MITF: variants seen among roughly 807,000 people sequenced by gnomAD.
MITF encodes microphthalmia-associated transcription factor.
In MITF, 17 loss-of-function variants were observed where a neutral mutation model predicts 60.5. That is an observed-to-expected ratio of 0.28 (90% CI 0.19 to 0.42). The LOEUF (loss-of-function observed/expected upper bound fraction) is 0.42, where lower values mean the gene tolerates loss of function less well. MITF is among the 10% of genes least tolerant of loss of function. The pLI is 1.00. For synonymous variants in MITF, 260 were observed against 248.5 expected (o/e 1.05, Z -0.43); for missense variants, 622 against 683.5 (o/e 0.91, Z 1.00).
At chr3:69,856,315 T>G (rs1156475737) in intron 1 of MITF, among the ~76,000 whole-genome samples, 1 of 152,168 alleles carries the variant, frequency 6.6e-6, no homozygotes, top group Non-Finnish European at 1.5e-5. Flanking sequence ...AATGTTATCA[T>G]ACATGGAAGC....
At chr3:69,785,872 C>T (rs1023500199) in intron 1 of MITF, among the ~76,000 whole-genome samples, 1 of 152,074 alleles carries the variant, frequency 6.6e-6, no homozygotes, top group South Asian at 2.1e-4. Context: ...GACAGGTAGA[C>T]ACATCCAGGG....
chr3:69,789,746 C>G (rs1281995710), intron 1 of MITF, among the ~76,000 whole-genome samples: 2 of 152,102 alleles, frequency 1.3e-5, no homozygotes, highest in Non-Finnish European at 2.9e-5. Context: ...GTCCCACATA[C>G]TTGGGAGGCT....
At position 69,860,783 on chromosome 3, in the gene MITF, G is replaced by C. The variant is rs571972221; in HGVS notation, c.105-18351G>C. 7.9e-5 allele frequency among the ~76,000 whole-genome samples: 12 copies of C among 152,208 alleles called. 1 individual carries two copies. The South Asian group carries it at 2.1e-3, about 26-fold the overall frequency. ...ATAATGTTGGGCTGCATCCCAATCA[G>C]GTTTATGTGGGGTCATCTTAGTCTC... On this transcript the variant is annotated intron_variant, in intron 1 of 9. Coordinates refer to ENST00000352241, the MANE Select transcript of MITF (RefSeq NM_001354604.2).
At chr3:69,917,905 G>A (rs1442040311) in intron 2 of MITF, among the ~76,000 whole-genome samples, 1 of 151,888 alleles carries the variant, frequency 6.6e-6, no homozygotes, top group African/African-American at 2.4e-5. Context: ...TAGCATGGTT[G>A]GGGACCACAT....
Position 69,927,502 on chromosome 3 carries a change from G to A in MITF, c.355-10320G>A, listed in dbSNP as rs148757978. 9.7e-4 allele frequency among the ~76,000 whole-genome samples: 147 copies of A among 151,912 alleles called. 2 individuals carry two copies. The Middle Eastern group carries it at 0.014, about 14-fold the overall frequency. ...GTATACCTATGTAACAAACCTGCAC[G>A]TTCTGCACATGTATCCCAGAACTTA... On this transcript the variant is annotated intron_variant, in intron 2 of 9. Transcript: ENST00000352241.
At chr3:69,941,423 G>C in intron 5 of MITF, 92 bp downstream of exon 5, 2 of 759,272 alleles carry the variant, frequency 2.6e-6, no homozygotes, top group Non-Finnish European at 4.5e-6. Context: ...TTTGTAACTG[G>C]TTCACTGATT....
intron 1 of MITF, among the ~76,000 whole-genome samples, chr3:69,836,364 G>T (rs987338900): frequency 1.1e-4 from 16 of 152,188 alleles, no homozygotes; most frequent in Admixed American, 8.5e-4. Flanking sequence ...CCTAGTATAA[G>T]TATATGCCAA....
intron 2 of MITF, among the ~76,000 whole-genome samples, chr3:69,925,685 ACTGAC>A (rs2065570086): frequency 6.6e-6 from 1 of 152,108 alleles, no homozygotes; most frequent in African/African-American, 2.4e-5. Flanking sequence ...CAGGGCTCTC[ACTGAC>A]CTTGTCAGTA....
At chr3:69,765,980 A>G (rs1403501312) in intron 1 of MITF, among the ~76,000 whole-genome samples, 1 of 152,220 alleles carries the variant, frequency 6.6e-6, no homozygotes, top group East Asian at 1.9e-4. Flanking sequence ...TAAAGAGCGG[A>G]AAGGAAAAAT....
intron 2 of MITF, among the ~76,000 whole-genome samples, chr3:69,906,248 G>T (rs1460391766): frequency 6.6e-6 from 1 of 151,938 alleles, no homozygotes; most frequent in Non-Finnish European, 1.5e-5. Context: ...TTGTATGTTT[G>T]TCAGAAATCA....
chr3:69,850,567 A>T (rs1429076384), intron 1 of MITF, among the ~76,000 whole-genome samples: 1 of 152,238 alleles, frequency 6.6e-6, no homozygotes, highest in Non-Finnish European at 1.5e-5. Context: ...TGACTATTGC[A>T]GAGAAACAAA....
chr3:69,937,706 TTAA>T (rs1323352442), intron 2 of MITF, 113 bp from the exon 3 acceptor site: 5 of 862,890 alleles, frequency 5.8e-6, no homozygotes, highest in East Asian at 2.6e-5. Context: ...TAACAAAGGC[TTAA>T]TAATTTATTC....
intron 2 of MITF, among the ~76,000 whole-genome samples, chr3:69,897,217 G>A (rs1325953361): frequency 6.6e-6 from 1 of 152,182 alleles, no homozygotes; most frequent in Admixed American, 6.5e-5. Flanking sequence ...ATGGGAGCTG[G>A]TGGAGATGGT....
At chr3:69,745,980 C>G (rs1301161874) in intron 1 of MITF, among the ~76,000 whole-genome samples, 60 of 152,228 alleles carry the variant, frequency 3.9e-4, no homozygotes. Context: ...CAGTTTTTAC[C>G]CTTCTCTTAA....
intron 2 of MITF, among the ~76,000 whole-genome samples, chr3:69,881,469 T>C (rs900420715): frequency 6.6e-6 from 1 of 152,096 alleles, no homozygotes; most frequent in East Asian, 1.9e-4. Flanking sequence ...TACACGATTT[T>C]ATTAAGACAA....
chr3:69,883,069 T>C lies in MITF; in HGVS notation c.354+3686T>C, dbSNP rs530281492. 3.3e-5 allele frequency among the ~76,000 whole-genome samples: 5 copies of C among 152,302 alleles called. No individual in the cohort carries two copies. The East Asian group carries it at 9.7e-4, about 29-fold the overall frequency. ...GTCGAAGTGTCTTCTCTGGAACGGA[T>C]TGTCCCTTGAATTTTTCTGTTCTGC... On this transcript the variant is annotated intron_variant, in intron 2 of 9. Coordinates refer to ENST00000352241, the MANE Select transcript of MITF (RefSeq NM_001354604.2).
At position 69,938,187 on chromosome 3, in the gene MITF, G is replaced by A. The variant is rs2065888733; in HGVS notation, c.582+138G>A. 8.5e-6 allele frequency: 10 copies of A among 1,170,556 alleles called. 1 individual carries two copies. Among genetic ancestry groups the A allele is most frequent in the South Asian group, 5.3e-5 (4 of 75,680 alleles). The allele number at this position is 1,170,556 out of a possible 1,614,324, so 72.5% of individuals were successfully genotyped here. A position where few individuals can be genotyped will look rare whatever the true frequency, so the allele number is the denominator to read the frequency against. ...CAGCCTTTGTCCCCGATTCACCATC[G>A]TGGCTGTGGCATTCCAGCCTGTTGT... On this transcript the variant is annotated intron_variant, in intron 3 of 9. Transcript: ENST00000352241.
rs886038272 is a variant in MITF, at chr3:69,956,448, C to A, written c.956-7C>A. 1 of 1,611,254 alleles carries A rather than the reference C, an allele frequency of 6.2e-7. No homozygotes were observed. The highest frequency in any genetic ancestry group is 8.5e-7 in the Non-Finnish European group (1 of 1,177,558). On this transcript the variant is annotated splice_polypyrimidine_tract_variant and splice_region_variant and intron_variant, in intron 7 of 9. Coordinates refer to ENST00000352241, the MANE Select transcript of MITF (RefSeq NM_001354604.2). ...CTAATAGCCTTTCCTGTGCTCTTTT[C>A]TTGAAGTTGAACGAAGAAGAAGATT...
chr3:69,838,454 C>T (rs2063573817), intron 1 of MITF: 1 of 152,534 alleles, frequency 6.6e-6, no homozygotes, highest in Non-Finnish European at 1.5e-5. Flanking sequence ...AATGATTACT[C>T]ATCCACTGTA....
Sources: gnomAD v4.1 joint callset for allele counts (sites outside exome capture counted in the v4.1 genomes callset) on GRCh38, gnomAD v4.1.1 for gene constraint, MANE v1.5 for transcripts, NCBI Gene and HGNC (gene_info 2026-07-23, HGNC 2026-07-21) for gene names.